Variants in CSMD1 observed in about 807,000 individuals in gnomAD.
CSMD1 encodes the protein CUB and Sushi multiple domains 1.
CSMD1 carries 213 observed loss-of-function variants against 417.5 expected under a neutral mutation model. The observed-to-expected ratio is 0.51, with a 90% CI of 0.46 to 0.57. CSMD1 has a LOEUF of 0.57. Among genes scored for constraint, CSMD1 ranks in the 20% least tolerant of loss-of-function variants. The pLI is 0.00. For missense variants in CSMD1, 6,923 were observed against 4,529.7 expected (o/e 1.53, Z -15.17); for synonymous variants, 2,862 against 1,736.8 (o/e 1.65, Z -16.11).
intron 7 of CSMD1, among the ~76,000 whole-genome samples, chr8:3,660,267 G>C (rs1047621039): frequency 6.6e-6 from 1 of 152,026 alleles, no homozygotes; most frequent in Non-Finnish European, 1.5e-5. Context: ...TACATTCTTT[G>C]CCTATGTTTT....
chr8:4,574,386 C>G (rs921268901), intron 2 of CSMD1, among the ~76,000 whole-genome samples: 1 of 152,158 alleles, frequency 6.6e-6, no homozygotes, highest in Non-Finnish European at 1.5e-5. Context: ...GGGGGTTACC[C>G]AGCCCCTTGC....
Position 4,382,957 on chromosome 8 carries a change from C to G in CSMD1, c.415+36996G>C, listed in dbSNP as rs371716075. On this transcript the variant is annotated intron_variant, in intron 3 of 69. Transcript: ENST00000635120. Reference sequence around the variant, plus strand: ...CATTTTATCACCTAAGCTGCATATACAGGGGATGACAAAGAACTGAGAGGT... The same window carrying G: ...CATTTTATCACCTAAGCTGCATATAGAGGGGATGACAAAGAACTGAGAGGT... Among the ~76,000 whole-genome samples, 3 of 152,282 alleles carry G rather than the reference C, an allele frequency of 2.0e-5. No individual in the cohort carries two copies. The East Asian group carries it at 5.8e-4, about 29-fold the overall frequency.
chr8:4,090,064 C>G (rs983805184), intron 3 of CSMD1, among the ~76,000 whole-genome samples: 1 of 152,162 alleles, frequency 6.6e-6, no homozygotes, highest in African/African-American at 2.4e-5. Context: ...TGTAAATTTT[C>G]GAATGAGCAA....
At chr8:3,995,240 T>A (rs956040967) in intron 5 of CSMD1, among the ~76,000 whole-genome samples, 1 of 152,212 alleles carries the variant, frequency 6.6e-6, no homozygotes, top group South Asian at 2.1e-4. Flanking sequence ...CATAGTTATT[T>A]AGGAGAACCA....
At chr8:4,685,739 A>T (rs1806332356) in intron 1 of CSMD1, among the ~76,000 whole-genome samples, 1 of 152,216 alleles carries the variant, frequency 6.6e-6, no homozygotes, top group South Asian at 2.1e-4. Flanking sequence ...TCTTTTTAAG[A>T]AATTACGTTT....
chr8:4,339,569 C>T (rs1032362118), intron 3 of CSMD1, among the ~76,000 whole-genome samples: 5 of 152,150 alleles, frequency 3.3e-5, no homozygotes, highest in African/African-American at 4.8e-5. Flanking sequence ...AAATAACTTT[C>T]GGTTGTTTAT....
intron 37 of CSMD1, among the ~76,000 whole-genome samples, chr8:3,167,592 A>G (rs865834185): frequency 1.2e-4 from 19 of 152,338 alleles, no homozygotes; most frequent in African/African-American, 4.3e-4. Context: ...AAATTTGGAC[A>G]TTTACAAAGA....
chr8:4,363,634 C>G (rs1801902690), intron 3 of CSMD1, among the ~76,000 whole-genome samples: 1 of 152,184 alleles, frequency 6.6e-6, no homozygotes, highest in African/African-American at 2.4e-5. Context: ...AAGGACGGTG[C>G]CAGGACATAC....
At chr8:4,675,930 C>T (rs770658747) in intron 1 of CSMD1, among the ~76,000 whole-genome samples, 1 of 152,018 alleles carries the variant, frequency 6.6e-6, no homozygotes, top group Non-Finnish European at 1.5e-5. Flanking sequence ...AAACGTTAAG[C>T]CTGGATTGAA....
At chr8:4,411,879 T>G (rs1293255024) in intron 3 of CSMD1, among the ~76,000 whole-genome samples, 1 of 152,170 alleles carries the variant, frequency 6.6e-6, no homozygotes, top group South Asian at 2.1e-4. Context: ...TTCACTTTAA[T>G]GTACCATGCA....
chr8:3,799,269 T>G (rs1019278003), intron 5 of CSMD1, among the ~76,000 whole-genome samples: 2 of 151,764 alleles, frequency 1.3e-5, no homozygotes, highest in Non-Finnish European at 2.9e-5. Flanking sequence ...TTTTATACTT[T>G]AAGTTCTAGG....
chr8:4,288,641 T>G (rs764567031), intron 3 of CSMD1, among the ~76,000 whole-genome samples: 1 of 152,322 alleles, frequency 6.6e-6, no homozygotes, highest in Non-Finnish European at 1.5e-5. Context: ...TGCCACCAAC[T>G]CTGCCGCCCT....
intron 3 of CSMD1, among the ~76,000 whole-genome samples, chr8:4,277,587 A>G (rs1407569168): frequency 6.6e-6 from 1 of 152,172 alleles, no homozygotes; most frequent in Non-Finnish European, 1.5e-5. Flanking sequence ...ACTCATGAAA[A>G]CAGCAAGTTC....
At chr8:4,881,644 T>G (rs1054648807) in intron 1 of CSMD1, among the ~76,000 whole-genome samples, 1 of 151,918 alleles carries the variant, frequency 6.6e-6, no homozygotes, top group Non-Finnish European at 1.5e-5. Flanking sequence ...TAAAAAACTA[T>G]GCAAAGTTTT....
At chr8:3,142,721 T>TA (rs753036760) in intron 40 of CSMD1, 47 bp from the exon 41 acceptor site, 2 of 1,427,774 alleles carry the variant, frequency 1.4e-6, no homozygotes, top group Non-Finnish European at 2.0e-6. Flanking sequence ...TCAAAATGTA[T>TA]AAAATCAATG....
rs140877339 is a variant in CSMD1, at chr8:4,192,289, G to A, written c.416-160190C>T. On this transcript the variant is annotated intron_variant, in intron 3 of 69. Transcript: ENST00000635120. ...GACTGTCTAGATAATAATTTTAATAGTTTCATAAAGTATGCAATTACATTG... is the reference window on the plus strand; with the variant it reads ...GACTGTCTAGATAATAATTTTAATAATTTCATAAAGTATGCAATTACATTG... Among the ~76,000 whole-genome samples, 412 of 152,298 alleles carry A rather than the reference G, an allele frequency of 2.7e-3. 1 individual carries two copies. Among genetic ancestry groups the A allele is most frequent in the African/African-American group, 9.5e-3 (394 of 41,564 alleles).
intron 7 of CSMD1, among the ~76,000 whole-genome samples, chr8:3,638,805 C>T (rs910897595): frequency 6.6e-6 from 1 of 152,148 alleles, no homozygotes; most frequent in African/African-American, 2.4e-5. Context: ...CTCTGAGACT[C>T]CTCCCTCTCT....
intron 1 of CSMD1, among the ~76,000 whole-genome samples, chr8:4,844,393 G>C (rs935928420): frequency 6.6e-6 from 1 of 152,082 alleles, no homozygotes; most frequent in Non-Finnish European, 1.5e-5. Flanking sequence ...GAAATTAACA[G>C]ATCTGAATAT....
Position 3,199,258 on chromosome 8 carries a change from T to G in CSMD1, c.5194+456A>C, listed in dbSNP as rs541392901. ...GTTAGGATAAGAGATGCATGCGTGA[T>G]ATTTTGTTTTTTGTTTTGTTTTGTT... is the stretch of plus-strand genomic sequence containing the variant. On this transcript the variant is annotated intron_variant, in intron 33 of 69. Coordinates refer to ENST00000635120, the MANE Select transcript of CSMD1 (RefSeq NM_033225.6). Among the ~76,000 whole-genome samples the G allele has an allele frequency of 2.0e-5, 3 of 152,322 alleles. 1 individual carries two copies. The South Asian group carries it at 6.2e-4, about 32-fold the overall frequency.
Sources: gnomAD v4.1 joint callset for allele counts (sites outside exome capture counted in the v4.1 genomes callset) on GRCh38, gnomAD v4.1.1 for gene constraint, MANE v1.5 for transcripts, NCBI Gene and HGNC (gene_info 2026-07-23, HGNC 2026-07-21) for gene names.